PSG11: variants seen among roughly 807,000 people sequenced by gnomAD.
PSG11 encodes the protein pregnancy specific beta-1-glycoprotein 11.
PSG11 carries 42 observed loss-of-function variants against 36.0 expected under a neutral mutation model. That is an observed-to-expected ratio of 1.17 (90% confidence interval 0.91 to 1.51). The LOEUF (loss-of-function observed/expected upper bound fraction) is 1.51, where lower values mean the gene tolerates loss of function less well. PSG11 is among the 40% of genes most tolerant of loss of function. PSG11 has a pLI of 0.00. For missense variants in PSG11, 558 were observed against 403.5 expected (o/e 1.38, Z -3.28); for synonymous variants, 206 against 153.5 (o/e 1.34, Z -2.53).
chr19:43,022,710 C>A (rs1233909789), intron 2 of PSG11, among the ~76,000 whole-genome samples: 2 of 151,266 alleles, frequency 1.3e-5, no homozygotes, highest in Non-Finnish European at 2.9e-5. Context: ...CACAGGTCAG[C>A]CTCACAAAGG....
At chr19:43,016,625 G>A (rs1487547267) in intron 3 of PSG11, among the ~76,000 whole-genome samples, 1 of 151,518 alleles carries the variant, frequency 6.6e-6, no homozygotes, top group African/African-American at 2.4e-5. Context: ...GGCAGTGGAG[G>A]CAGAAAGTGG....
At position 43,009,465 on chromosome 19, in the gene PSG11, G is replaced by C. The variant is rs578078978; in HGVS notation, c.*40+493C>G. ...AAGTAGAGGTAAAGGAAGTGAGAAG[G>C]CTTAGTAAATAGAAGAAATGTGAAC... On this transcript the variant is annotated intron_variant, in intron 5 of 5. Coordinates refer to ENST00000320078, the MANE Select transcript of PSG11 (RefSeq NM_002785.3). Among the ~76,000 whole-genome samples, 95 of 151,402 alleles carry C rather than the reference G, an allele frequency of 6.3e-4. 4 individuals carry two copies. The highest frequency in any genetic ancestry group is 2.0e-3 in the African/African-American group (81 of 41,110).
intron 2 of PSG11, among the ~76,000 whole-genome samples, chr19:43,021,668 T>C (rs2122823387): frequency 6.6e-6 from 1 of 151,488 alleles, no homozygotes; most frequent in South Asian, 2.1e-4. Flanking sequence ...TTTTAATGAG[T>C]TGTTGACTTT....
chr19:43,016,063 A>C lies in PSG11; in HGVS notation c.710-693T>G. On this transcript the variant is annotated intron_variant, in intron 3 of 5. Coordinates refer to ENST00000320078, the MANE Select transcript of PSG11 (RefSeq NM_002785.3). Reference sequence around the variant, plus strand: ...CAGCTTTGCTGTGTGGATAACAGAGAGAAGATTGTCCTGTGTGGCACCTTT... The same window carrying C: ...CAGCTTTGCTGTGTGGATAACAGAGCGAAGATTGTCCTGTGTGGCACCTTT... 4 of 1,600,116 alleles carry C rather than the reference A, an allele frequency of 2.5e-6. No individual in the cohort carries two copies. In the South Asian group the frequency reaches 4.5e-5, roughly 18 times the overall value.
chr19:43,015,717 G>T (rs1219266629), intron 3 of PSG11: 1 of 1,601,266 alleles, frequency 6.2e-7, no homozygotes, highest in East Asian at 2.2e-5. Flanking sequence ...CTGGCCCCTG[G>T]TCGTTTGGAT....
intron 2 of PSG11, among the ~76,000 whole-genome samples, chr19:43,023,396 GTCCTCTCCTTGA>G (rs1170860192): frequency 3.3e-5 from 5 of 150,836 alleles, no homozygotes; most frequent in Non-Finnish European, 4.4e-5. Flanking sequence ...AGAAAACAAG[GTCCTCTCCTTGA>G]TCCTCTCATG....
At chr19:43,026,171 G>T in intron 1 of PSG11, 138 bp downstream of exon 1, 1 of 1,339,022 alleles carries the variant, frequency 7.5e-7, no homozygotes, top group Admixed American at 2.0e-5. Flanking sequence ...TTGAACTCCT[G>T]ATCTCGTGAT....
intron 2 of PSG11, 26 bp downstream of exon 2, chr19:43,024,665 C>G (rs758225967): frequency 5.0e-6 from 8 of 1,609,278 alleles, no homozygotes; most frequent in Non-Finnish European, 6.8e-6. Context: ...TCCCCCAACA[C>G]CCAGGGATCA....
In PSG11 at chr19:43,010,038, G is replaced by C. The variant is rs1481421509; in HGVS notation, c.968C>G (p.Pro323Arg). Residue 323 changes from proline (P) to arginine (R), a missense_variant, in exon 5 of 6, where the codon CCT becomes CGT. Physicochemically the swap from Pro to Arg is moderately radical, Grantham distance 103. Transcript: ENST00000320078. The stretch of plus-strand genomic sequence containing the variant: ...GAAAGCAAAAGTTCCTAATCCTGGA[G>C]GAGCTGTCATGGAAAGAAAAGAAAA... The part of the protein sequence containing the change: ...STSLTIRVIA[P>R]PGLGTFAFNN... 7 of 1,609,206 alleles carry C rather than the reference G, an allele frequency of 4.3e-6. No individual in the cohort carries two copies. The highest frequency in any genetic ancestry group is 5.9e-6 in the Non-Finnish European group (7 of 1,176,820).
rs777391914 is a variant in PSG11, at chr19:43,026,415, A to G, written c.-43T>C. ...TGTTCTCCTCTGTGGAGATGAGCCT[A>G]GGATCCAGAAGCTTCCAGAGCACGG... On this transcript the variant is annotated 5_prime_UTR_variant, in exon 1 of 6. Transcript: ENST00000320078. 5.0e-6 allele frequency: 8 copies of G among 1,600,976 alleles called. No homozygotes were observed. The African/African-American group carries it at 8.1e-5, about 16-fold the overall frequency.
intron 2 of PSG11, among the ~76,000 whole-genome samples, chr19:43,021,177 C>G (rs1967092989): frequency 6.6e-6 from 1 of 151,272 alleles, no homozygotes. Flanking sequence ...ATGCTATTGT[C>G]AAAACAAAAT....
At chr19:43,025,936 C>CTTTTTTTTTTTTTTTTTTTTTTTT (rs1195259262) in intron 1 of PSG11, among the ~76,000 whole-genome samples, 8 of 68,150 alleles carry the variant, frequency 1.2e-4, no homozygotes, top group African/African-American at 1.3e-4. Context: ...TTTTTTTTCT[C>CTTTTTTTTTTTTTTTTTTTTTTTT]TTTTTTTTTT....
At chr19:43,010,344 A>C in intron 4 of PSG11, 1 of 1,523,700 alleles carries the variant, frequency 6.6e-7, no homozygotes, top group Non-Finnish European at 8.8e-7. Flanking sequence ...TCACCTTTGC[A>C]CCTTTTCATG....
At chr19:43,021,034 A>C (rs187441550) in intron 2 of PSG11, among the ~76,000 whole-genome samples, 2 of 151,486 alleles carry the variant, frequency 1.3e-5, no homozygotes, top group Non-Finnish European at 2.9e-5. Context: ...AAACAGTTGT[A>C]TGTGGCACAG....
chr19:43,021,835 G>A (rs143363116), intron 2 of PSG11, among the ~76,000 whole-genome samples: 1 of 151,422 alleles, frequency 6.6e-6, no homozygotes, highest in Non-Finnish European at 1.5e-5. Flanking sequence ...CAGGTGAAAT[G>A]AGCTCATGGG....
intron 5 of PSG11, among the ~76,000 whole-genome samples, chr19:43,008,799 G>A (rs887187033): frequency 2.0e-5 from 3 of 151,030 alleles, no homozygotes; most frequent in Non-Finnish European, 2.9e-5. Context: ...AAGATCCTTA[G>A]GTAATTCCAG....
chr19:43,016,031 G>A lies in PSG11; in HGVS notation c.710-661C>T, dbSNP rs190005000. 7 of 1,609,704 alleles carry A rather than the reference G, an allele frequency of 4.3e-6. No homozygotes were observed. The Admixed American group carries it at 1.2e-4, about 27-fold the overall frequency. ...TTTAAGTTGTTGATGGTGATGTAGG[G>A]CATGGGCAGCTTTGCTGTGTGGATA... is the stretch of plus-strand genomic sequence containing the variant. On this transcript the variant is annotated intron_variant, in intron 3 of 5. Coordinates refer to ENST00000320078, the MANE Select transcript of PSG11 (RefSeq NM_002785.3).
chr19:43,011,685 T>G (rs528764370), intron 4 of PSG11, among the ~76,000 whole-genome samples: 17 of 151,274 alleles, frequency 1.1e-4, no homozygotes, highest in African/African-American at 1.9e-4. Context: ...CCAGGTGTTT[T>G]GACCAGCATA....
At chr19:43,015,702 G>A in intron 3 of PSG11, 1 of 1,591,186 alleles carries the variant, frequency 6.3e-7, no homozygotes, top group Non-Finnish European at 8.5e-7. Context: ...GAGAGACTGA[G>A]AGGCCTGGCC....
Sources: allele counts gnomAD v4.1 joint callset (sites outside exome capture counted in the v4.1 genomes callset), GRCh38; gene constraint gnomAD v4.1.1; transcripts MANE v1.5; gene names NCBI Gene and HGNC (gene_info 2026-07-23, HGNC 2026-07-21).